The following TRDN variants were observed in gnomAD, a reference collection of about 807,000 sequenced individuals.
TRDN encodes triadin in skeletal muscle.
In TRDN, 161 loss-of-function variants were observed where a neutral mutation model predicts 149.7. The observed-to-expected ratio is 1.08, with a 90% CI of 0.95 to 1.23. The LOEUF (loss-of-function observed/expected upper bound fraction) is 1.23. TRDN is among the 50% of genes most tolerant of loss of function. The pLI, the probability that TRDN is intolerant of heterozygous loss-of-function variation, is 0.00. For synonymous variants in TRDN, 294 were observed against 250.5 expected (o/e 1.17, Z -1.64); for missense variants, 896 against 823.5 (o/e 1.09, Z -1.08).
chr6:123,502,851 C>T lies in TRDN; in HGVS notation c.793+868G>A, dbSNP rs1297631723. On this transcript the variant is annotated intron_variant, in intron 8 of 40. Coordinates refer to ENST00000334268, the MANE Select transcript of TRDN (RefSeq NM_006073.4). The stretch of plus-strand genomic sequence containing the variant: ...AGGAATAGTCTCTACATGTTAGATC[C>T]CCGTATTCTGTAAAGGAGTCTCAGG... The T allele has an allele frequency of 4.1e-6, 4 of 984,986 alleles. No homozygotes were observed. In the East Asian group the frequency reaches 3.4e-4, roughly 84 times the overall value. The allele number at this position is 984,986 out of a possible 1,614,324, so 61.0% of individuals were successfully genotyped here.
At chr6:123,292,877 C>T (rs1010993248) in intron 24 of TRDN, among the ~76,000 whole-genome samples, 1 of 152,134 alleles carries the variant, frequency 6.6e-6, no homozygotes, top group Non-Finnish European at 1.5e-5. Flanking sequence ...CAGTTTTTCT[C>T]TTCTTCCTGA....
intron 25 of TRDN, 74 bp from the exon 26 acceptor site, chr6:123,278,421 A>AT: frequency 1.1e-6 from 1 of 925,936 alleles, no homozygotes; most frequent in Non-Finnish European, 1.5e-6. Context: ...GTGCATATTT[A>AT]TTTTTATATA....
At chr6:123,621,506 T>C (rs1220961298) in intron 1 of TRDN, among the ~76,000 whole-genome samples, 1 of 152,090 alleles carries the variant, frequency 6.6e-6, no homozygotes, top group African/African-American at 2.4e-5. Context: ...AAAAATATCA[T>C]TCATCATAGC....
chr6:123,613,759 A>C (rs1170152320), intron 1 of TRDN, among the ~76,000 whole-genome samples: 1 of 152,164 alleles, frequency 6.6e-6, no homozygotes, highest in African/African-American at 2.4e-5. Context: ...AGGTGAAAAA[A>C]TTGTTTTTAG....
intron 8 of TRDN, chr6:123,498,715 C>T (rs1778554802): frequency 2.4e-6 from 1 of 422,360 alleles, no homozygotes; most frequent in African/African-American, 2.0e-5. Context: ...GATTGTTTTC[C>T]TGAACAAAAC....
At chr6:123,505,139 G>A (rs1231732012) in intron 7 of TRDN, among the ~76,000 whole-genome samples, 5 of 150,108 alleles carry the variant, frequency 3.3e-5, no homozygotes, top group Admixed American at 1.3e-4. Context: ...AGCTACTCAG[G>A]AGGCTGAGGC....
intron 24 of TRDN, among the ~76,000 whole-genome samples, chr6:123,295,621 A>T (rs1163668669): frequency 2.0e-5 from 3 of 152,178 alleles, no homozygotes; most frequent in Non-Finnish European, 2.9e-5. Context: ...CTCTTTCTAC[A>T]ATGCATCCAT....
chr6:123,273,817 A>G (rs1478523803), intron 27 of TRDN, among the ~76,000 whole-genome samples: 17 of 152,194 alleles, frequency 1.1e-4, no homozygotes, highest in Admixed American at 7.9e-4. Context: ...ATGAAGAAAT[A>G]GCTACCATAG....
intron 2 of TRDN, among the ~76,000 whole-genome samples, chr6:123,549,780 T>G (rs1230352426): frequency 1.3e-5 from 2 of 151,976 alleles, no homozygotes; most frequent in African/African-American, 4.8e-5. Context: ...GGTAACAGTG[T>G]GTGTGGTGAG....
intron 23 of TRDN, among the ~76,000 whole-genome samples, chr6:123,322,098 G>A (rs750571701): frequency 1.3e-5 from 2 of 152,086 alleles, no homozygotes; most frequent in Non-Finnish European, 2.9e-5. Flanking sequence ...ATATGGTCTT[G>A]ACACTTCATG....
In TRDN at chr6:123,541,568, G is replaced by T. The variant is rs1780837059; in HGVS notation, c.424+5772C>A. ...CACCCCCATCACAGGTCTGCTCCATGCTTGGGAAAGACAGGTAGAAGATAA... is the reference window on the plus strand; with the variant it reads ...CACCCCCATCACAGGTCTGCTCCATTCTTGGGAAAGACAGGTAGAAGATAA... On this transcript the variant is annotated intron_variant, in intron 4 of 40. Transcript: ENST00000334268. Among the ~76,000 whole-genome samples the T allele has an allele frequency of 3.3e-5, 5 of 152,152 alleles. No individual in the cohort carries two copies. In the South Asian group the frequency reaches 1.0e-3, roughly 31 times the overall value.
intron 9 of TRDN, among the ~76,000 whole-genome samples, chr6:123,484,172 A>ATTGT: frequency 6.6e-6 from 1 of 152,254 alleles, no homozygotes; most frequent in African/African-American, 2.4e-5. Flanking sequence ...GAAAAGAGAT[A>ATTGT]TTGTTTATCA....
chr6:123,503,593 C>G, intron 8 of TRDN, 126 bp downstream of exon 8: 1 of 1,489,204 alleles, frequency 6.7e-7, no homozygotes, highest in South Asian at 1.3e-5. Context: ...GATATATTTA[C>G]TTTAATGTCT....
At chr6:123,511,069 A>G (rs558760557) in intron 7 of TRDN, among the ~76,000 whole-genome samples, 1 of 152,270 alleles carries the variant, frequency 6.6e-6, no homozygotes, top group East Asian at 1.9e-4. Context: ...CCAATGTCCT[A>G]AAGTGTTTCC....
chr6:123,220,528 C>T (rs1364472841), intron 40 of TRDN, among the ~76,000 whole-genome samples: 3 of 151,668 alleles, frequency 2.0e-5, no homozygotes, highest in African/African-American at 7.3e-5. Flanking sequence ...TAAGACTCTG[C>T]TTATTTCCCT....
chr6:123,630,532 C>A (rs1583350397), intron 1 of TRDN, among the ~76,000 whole-genome samples: 1 of 151,846 alleles, frequency 6.6e-6, no homozygotes, highest in East Asian at 1.9e-4. Context: ...AGCCTCAATT[C>A]ATTTTTGCAT....
chr6:123,314,392 T>C (rs1240358887), intron 24 of TRDN, among the ~76,000 whole-genome samples: 2 of 151,936 alleles, frequency 1.3e-5, no homozygotes, highest in Non-Finnish European at 2.9e-5. Flanking sequence ...ATATACAATG[T>C]TGGTGGGACT....
chr6:123,593,150 A>G (rs1215028739), intron 1 of TRDN, among the ~76,000 whole-genome samples: 11 of 152,264 alleles, frequency 7.2e-5, no homozygotes, highest in Admixed American at 7.2e-4. Flanking sequence ...AGAAAACTAC[A>G]ATAGTTAATA....
At position 123,633,987 on chromosome 6, in the gene TRDN, A is replaced by C. The variant is rs1786153457; in HGVS notation, c.22+2767T>G. Among the ~76,000 whole-genome samples the C allele has an allele frequency of 2.6e-5, 4 of 151,984 alleles. No homozygotes were observed. The South Asian group carries it at 8.3e-4, about 31-fold the overall frequency. ...ACTTGAGATGAGAACAGTTAACTAG[A>C]GCTTTCTAAGGTAATGAGTTATCTC... On this transcript the variant is annotated intron_variant, in intron 1 of 40. Coordinates refer to ENST00000334268, the MANE Select transcript of TRDN (RefSeq NM_006073.4).
Sources: gnomAD v4.1 joint callset for allele counts (sites outside exome capture counted in the v4.1 genomes callset) on GRCh38, gnomAD v4.1.1 for gene constraint, MANE v1.5 for transcripts, NCBI Gene and HGNC (gene_info 2026-07-23, HGNC 2026-07-21) for gene names.